The following ANGPTL5 variants were observed in gnomAD, a reference collection of about 807,000 sequenced individuals.
The protein encoded by ANGPTL5 is angiopoietin-related protein 5.
In ANGPTL5, 34 loss-of-function variants were observed where a neutral mutation model predicts 39.4. The observed-to-expected ratio is 0.86, with a 90% CI of 0.66 to 1.15. ANGPTL5 has a LOEUF of 1.15. ANGPTL5 is among the 50% of genes most tolerant of loss of function. The pLI, the probability that ANGPTL5 is intolerant of heterozygous loss-of-function variation, is 0.00. For missense variants in ANGPTL5, 467 were observed against 457.5 expected (o/e 1.02, Z -0.19); for synonymous variants, 146 against 152.1 (o/e 0.96, Z 0.29).
At position 101,905,804 on chromosome 11, in the gene ANGPTL5, T is replaced by C; in HGVS notation, c.285A>G (p.Lys95=). 2 of 1,612,276 alleles carry C rather than the reference T, an allele frequency of 1.2e-6. No homozygotes were observed. Among genetic ancestry groups the C allele is most frequent in the East Asian group, 2.2e-5 (1 of 44,752 alleles). ...NSIVSYTRST[K]KLLRNMMDEQ... ...CATCCATCATATTCCTTAGTAGTTT[T>C]TTGGTACTTCTTGTGTAGGAAACAA... is the stretch of plus-strand genomic sequence containing the variant. The change falls in exon 4 of 9, where the codon AAA becomes AAG. Residue 95 remains lysine (K), a synonymous_variant. Coordinates refer to ENST00000334289, the MANE Select transcript of ANGPTL5 (RefSeq NM_178127.5).
chr11:101,915,149 G>A (rs756252505), intron 1 of ANGPTL5: 12 of 1,367,160 alleles, frequency 8.8e-6, no homozygotes, highest in Non-Finnish European at 1.0e-5. Flanking sequence ...GGGCTGTCGA[G>A]GCCAACCCTT....
intron 3 of ANGPTL5, among the ~76,000 whole-genome samples, chr11:101,906,082 T>C (rs1939993123): frequency 6.6e-6 from 1 of 152,126 alleles, no homozygotes; most frequent in Non-Finnish European, 1.5e-5. Flanking sequence ...CCTACTAATA[T>C]AGATTACCCA....
intron 1 of ANGPTL5, among the ~76,000 whole-genome samples, chr11:101,914,573 G>A (rs902535127): frequency 3.3e-5 from 5 of 152,180 alleles, no homozygotes; most frequent in Non-Finnish European, 7.3e-5. Context: ...AGAGAATGCA[G>A]GGAAGGAAAA....
chr11:101,910,422 A>ATATATATAT (rs1555048783), intron 1 of ANGPTL5, among the ~76,000 whole-genome samples: 11 of 128,358 alleles, frequency 8.6e-5, no homozygotes, highest in Non-Finnish European at 1.2e-4. Context: ...AAAAAAAAAA[A>ATATATATAT]AAATATATAT....
At chr11:101,908,373 T>G (rs1198379782) in intron 1 of ANGPTL5, among the ~76,000 whole-genome samples, 1 of 152,164 alleles carries the variant, frequency 6.6e-6, no homozygotes, top group Non-Finnish European at 1.5e-5. Flanking sequence ...AAATGACTGA[T>G]GGAGTGGGAA....
intron 8 of ANGPTL5, among the ~76,000 whole-genome samples, 181 bp from the exon 9 acceptor site, chr11:101,891,779 T>C (rs1311656121): frequency 1.3e-5 from 2 of 152,154 alleles, no homozygotes; most frequent in Non-Finnish European, 2.9e-5. Flanking sequence ...TGGTGATGAG[T>C]TCCCCAACAC....
intron 7 of ANGPTL5, among the ~76,000 whole-genome samples, chr11:101,895,693 A>T (rs1428313042): frequency 1.3e-5 from 2 of 152,202 alleles, no homozygotes; most frequent in African/African-American, 4.8e-5. Context: ...ACAATTATAG[A>T]TTCAGGATGA....
rs754381808 is a variant in ANGPTL5, at chr11:101,891,364, C to A, written c.1082G>T (p.Gly361Val). 6.2e-7 allele frequency: 1 copy of A among 1,613,936 alleles called. No individual in the cohort carries two copies. The highest frequency in any genetic ancestry group is 1.7e-5 in the Admixed American group (1 of 59,974). The change falls in exon 9 of 9, where the codon GGC becomes GTC. Residue 361 changes from glycine to valine, a missense_variant. By Grantham distance (109) the Gly-to-Val change is moderately radical. Transcript: ENST00000334289. ...GKLLATGIQW[G>V]TWTKNNSPVK... ...AGGTGAGTTGTTTTTGGTCCACGTG[C>A]CCCATTGAATTCCAGTTGCAAGCAA...
rs1470647994 is a variant in ANGPTL5 at position 101,895,799 on chromosome 11, T to C, written c.662-735A>G. 6.6e-5 allele frequency among the ~76,000 whole-genome samples: 10 copies of C among 152,178 alleles called. No homozygotes were observed. The East Asian group carries it at 1.9e-3, about 29-fold the overall frequency. On this transcript the variant is annotated intron_variant, in intron 7 of 8. Coordinates refer to ENST00000334289, the MANE Select transcript of ANGPTL5 (RefSeq NM_178127.5). ...CCCTACCCACGTGGCATAGCCCAAATGTGTATATCTCTGCTCTGAGATATA... is the reference window on the plus strand; with the variant it reads ...CCCTACCCACGTGGCATAGCCCAAACGTGTATATCTCTGCTCTGAGATATA...
At position 101,898,979 on chromosome 11, in the gene ANGPTL5, TC is replaced by T. The variant is rs532659680; in HGVS notation, c.661+1450del. On this transcript the variant is annotated intron_variant, in intron 7 of 8. Transcript: ENST00000334289. ...TTGCATATGTTGAACCAGCCTTGCA[TC>T]CCAGGGATGAAGCCAACTTGATCAT... 1.1e-3 allele frequency among the ~76,000 whole-genome samples: 175 copies of T among 152,336 alleles called. 1 individual carries two copies. Among genetic ancestry groups the T allele is most frequent in the Admixed American group, 1.8e-3 (28 of 15,298 alleles).
rs150660333 is a variant in ANGPTL5, at chr11:101,891,423, T to C, written c.1023A>G (p.Ala341=). The C allele has an allele frequency of 6.2e-7, 1 of 1,614,018 alleles. No homozygotes were observed. The highest frequency in any genetic ancestry group is 1.3e-5 in the African/African-American group (1 of 74,912). Residue 341 remains alanine (A), a synonymous_variant, in exon 9 of 9, where the codon GCA becomes GCG. Transcript: ENST00000334289. The part of the protein sequence containing the change: ...TGWWFNECGL[A]NLNGIHHFSG... Reference sequence around the variant, plus strand: ...AGAAGTGATGAATGCCATTTAGATTTGCTAGACCACACTCGTTAAACCACC... The same window carrying C: ...AGAAGTGATGAATGCCATTTAGATTCGCTAGACCACACTCGTTAAACCACC...
At chr11:101,905,002 G>A in intron 4 of ANGPTL5, 95 bp from the exon 5 acceptor site, 1 of 874,760 alleles carries the variant, frequency 1.1e-6, no homozygotes. Context: ...ACGTAATGGT[G>A]CCCATTTTTC....
rs1439701485 is a variant in ANGPTL5, at chr11:101,900,480, T to A, written c.611A>T (p.Asp204Val). The A allele has an allele frequency of 6.2e-7, 1 of 1,613,484 alleles. No homozygotes were observed. ...VIQKRIDGII[D>V]FQRLWCDYLD... ...ATAATCACACCACAACCTCTGGAAA[T>A]CAATTATCCCATCAATTCTTTTCTG... Residue 204 changes from aspartate to valine, a missense_variant, in exon 7 of 9, where the codon GAT (aspartate) becomes GTT (valine). Physicochemically the swap from Asp to Val is radical, Grantham distance 152. Coordinates refer to ENST00000334289, the MANE Select transcript of ANGPTL5 (RefSeq NM_178127.5).
rs1375226187 is a variant in ANGPTL5, at chr11:101,891,037, T to A, written c.*242A>T. On this transcript the variant is annotated 3_prime_UTR_variant, in exon 9 of 9. Transcript: ENST00000334289. ...AAATTTTAGGAAGACAAGTTGTAGT[T>A]CACTTGAAACAAATTTCATTGTATA... is the stretch of plus-strand genomic sequence containing the variant. The A allele has an allele frequency of 3.1e-6, 1 of 321,072 alleles. No homozygotes were observed. The highest frequency in any genetic ancestry group is 2.1e-5 in the African/African-American group (1 of 46,872). The allele number at this position is 321,072 out of a possible 1,614,324, so 19.9% of individuals were successfully genotyped here.
In ANGPTL5 at chr11:101,891,533, C is replaced by T. The variant is rs748943116; in HGVS notation, c.913G>A (p.Val305Ile). 2 of 1,614,092 alleles carry T rather than the reference C, an allele frequency of 1.2e-6. No homozygotes were observed. Among genetic ancestry groups the T allele is most frequent in the Non-Finnish European group, 8.5e-7 (1 of 1,179,980 alleles). The change falls in exon 9 of 9, where the codon GTT becomes ATT. Residue 305 changes from valine (V) to isoleucine (I), a missense_variant. Physicochemically the swap from Val to Ile is conservative, Grantham distance 29. Transcript: ENST00000334289. ...QNAMPFSTSD[V>I]DNDGCRPACL... ...GCAGGGCGACACCCATCATTATCAA[C>T]ATCTGATGTGCTAAAAGGCATTGCA...
At chr11:101,898,150 C>T (rs1485799077) in intron 7 of ANGPTL5, among the ~76,000 whole-genome samples, 3 of 151,946 alleles carry the variant, frequency 2.0e-5, no homozygotes, top group South Asian at 4.2e-4. Flanking sequence ...TTGAACCCAG[C>T]AGGCAGAGGT....
chr11:101,902,507 AT>A (rs1262007137), intron 6 of ANGPTL5, 113 bp downstream of exon 6: 19 of 942,444 alleles, frequency 2.0e-5, no homozygotes, highest in Admixed American at 1.5e-4. Flanking sequence ...TTTATTTAAA[AT>A]TTTTTGAGGA....
chr11:101,915,285 A>C (rs746741985), intron 1 of ANGPTL5: 2 of 1,613,608 alleles, frequency 1.2e-6, no homozygotes, highest in Non-Finnish European at 1.7e-6. Flanking sequence ...GAAGTGAAGG[A>C]TGCTGGCGGG....
chr11:101,905,869 CT>C, intron 3 of ANGPTL5, 22 bp from the exon 4 acceptor site: 1 of 1,327,940 alleles, frequency 7.5e-7, no homozygotes, highest in Non-Finnish European at 1.1e-6. Context: ...TAAAAAGTGG[CT>C]GTTAAATATT....
Sources: allele counts gnomAD v4.1 joint callset (sites outside exome capture counted in the v4.1 genomes callset), GRCh38; gene constraint gnomAD v4.1.1; transcripts MANE v1.5; gene names NCBI Gene and HGNC (gene_info 2026-07-23, HGNC 2026-07-21).